FAM161A: variants seen among roughly 807,000 people sequenced by gnomAD.
The protein encoded by FAM161A is protein FAM161A.
Under a neutral mutation model 70.9 loss-of-function variants are expected in FAM161A, and 57 were observed. That is an observed-to-expected ratio of 0.80 (90% CI 0.65 to 1.00). FAM161A has a LOEUF of 1.00. FAM161A is among the 50% of genes least tolerant of loss of function. The pLI, the probability that FAM161A is intolerant of heterozygous loss-of-function variation, is 0.00. For missense variants in FAM161A, 880 were observed against 836.0 expected (o/e 1.05, Z -0.65); for synonymous variants, 299 against 295.7 (o/e 1.01, Z -0.12).
the FAM161A span, among the ~76,000 whole-genome samples, chr2:61,801,129 T>C: frequency 6.6e-6 from 1 of 152,038 alleles, no homozygotes; most frequent in African/African-American, 2.4e-5. Flanking sequence ...AGAAATTTCT[T>C]AGGAGGCCTT....
At chr2:61,842,473 A>C (rs965476457) in intron 1 of FAM161A, 113 bp from the exon 2 acceptor site, 5 of 650,120 alleles carry the variant, frequency 7.7e-6, no homozygotes, top group Non-Finnish European at 1.4e-5. Flanking sequence ...GTTATACATT[A>C]ATTATGGGCT....
the FAM161A span, among the ~76,000 whole-genome samples, chr2:61,812,375 T>A: frequency 6.6e-6 from 1 of 152,206 alleles, no homozygotes; most frequent in African/African-American, 2.4e-5. Context: ...ATGGATTATT[T>A]ATAAGTTAGT....
At chr2:61,819,036 C>A in the FAM161A span, among the ~76,000 whole-genome samples, 1 of 152,184 alleles carries the variant, frequency 6.6e-6, no homozygotes, top group Non-Finnish European at 1.5e-5. Context: ...TTCATGCCCA[C>A]AATGTTTAAC....
At chr2:61,829,720 CT>C in intron 5 of FAM161A, among the ~76,000 whole-genome samples, 1 of 152,202 alleles carries the variant, frequency 6.6e-6, no homozygotes. Flanking sequence ...GCCAGTAAGC[CT>C]TCATCTGACT....
chr2:61,839,948 T>C lies in FAM161A; in HGVS notation c.1056A>G (p.Thr352=). The change falls in exon 3 of 7, where the codon ACA becomes ACG. Residue 352 remains threonine, a synonymous_variant. Transcript: ENST00000404929. ...GAATGGGTCTGGCTTTAAATCGATT[T>C]GTTTTCTTTTTATACTTAAGAAAGT... The part of the protein sequence containing the change: ...LRDFLKYKKK[T]NRFKARPIPR... 1.9e-6 allele frequency: 3 copies of C among 1,614,242 alleles called. No individual in the cohort carries two copies. The African/African-American group carries it at 4.0e-5, about 22-fold the overall frequency.
Position 61,827,215 on chromosome 2 carries a change from A to C in FAM161A, c.1895T>G (p.Leu632Arg), listed in dbSNP as rs752951309. Residue 632 changes from leucine to arginine, a missense_variant, in exon 6 of 7, where the codon CTA becomes CGA. Coordinates refer to ENST00000404929, the MANE Select transcript of FAM161A (RefSeq NM_001201543.2). ...MAAEKHYSNT[L>R]KALGISDEFV... ...CTCATCAGATATTCCTAGTGCTTTT[A>C]GGGTATTAGAATAATGCTTTTCTGC... is the stretch of plus-strand genomic sequence containing the variant. 3 of 1,613,732 alleles carry C rather than the reference A, an allele frequency of 1.9e-6. No individual in the cohort carries two copies. The African/African-American group carries it at 4.0e-5, about 22-fold the overall frequency.
chr2:61,804,957 G>C, the FAM161A span, among the ~76,000 whole-genome samples: 2 of 152,080 alleles, frequency 1.3e-5, no homozygotes, highest in East Asian at 3.9e-4. Context: ...CTGGCACCTA[G>C]ACCTCAGGTT....
At chr2:61,814,035 C>A in the FAM161A span, among the ~76,000 whole-genome samples, 1 of 152,062 alleles carries the variant, frequency 6.6e-6, no homozygotes, top group Non-Finnish European at 1.5e-5. Context: ...TTAGAGATGC[C>A]AGAAAGATGC....
In FAM161A at chr2:61,839,281, CATATA is replaced by C. The variant is rs1474604002; in HGVS notation, c.1583+135_1583+139del. 18 of 648,512 alleles carry C rather than the reference CATATA, an allele frequency of 2.8e-5. No homozygotes were observed. The Admixed American group carries it at 5.1e-4, about 18-fold the overall frequency. The allele number at this position is 648,512 out of a possible 1,614,324, so 40.2% of individuals were successfully genotyped here. A position where few individuals can be genotyped will look rare whatever the true frequency, so the allele number is the denominator to read the frequency against. ...CTTAGAATACCCTCTGACAAAATAT[CATATA>C]TTATATAGTAAAATATCTTATAGAT... On this transcript the variant is annotated intron_variant, in intron 3 of 6. Transcript: ENST00000404929.
At chr2:61,846,465 G>A (rs1047782139) in intron 1 of FAM161A, among the ~76,000 whole-genome samples, 1 of 152,196 alleles carries the variant, frequency 6.6e-6, no homozygotes, top group African/African-American at 2.4e-5. Context: ...CACAGCTTAG[G>A]AGAAAGATTT....
chr2:61,840,616 T>C, intron 2 of FAM161A, 35 bp from the exon 3 acceptor site: 3 of 1,421,298 alleles, frequency 2.1e-6, no homozygotes, highest in Non-Finnish European at 3.0e-6. Context: ...ATACTTTCAG[T>C]TGTATGTGAC....
chr2:61,841,456 T>C (rs1241869434), intron 2 of FAM161A, among the ~76,000 whole-genome samples: 6 of 152,184 alleles, frequency 3.9e-5, no homozygotes, highest in Non-Finnish European at 7.3e-5. Context: ...TGTGACACTT[T>C]AGTGGAAAAT....
chr2:61,808,701 G>A, the FAM161A span, among the ~76,000 whole-genome samples: 8 of 152,274 alleles, frequency 5.3e-5, no homozygotes, highest in South Asian at 1.7e-3. Flanking sequence ...AATAAGTTTA[G>A]GAAGGCTTGG....
At chr2:61,832,670 C>T (rs1251146075) in intron 5 of FAM161A, among the ~76,000 whole-genome samples, 1 of 152,156 alleles carries the variant, frequency 6.6e-6, no homozygotes, top group African/African-American at 2.4e-5. Context: ...AGCCCTGCCT[C>T]CTACAGCGTT....
chr2:61,825,082 C>G lies in FAM161A; in HGVS notation c.*1373G>C. On this transcript the variant is annotated 3_prime_UTR_variant, in exon 7 of 7. Coordinates refer to ENST00000404929, the MANE Select transcript of FAM161A (RefSeq NM_001201543.2). ...TTTTTAAATTTAAAGCATAAATTGC[C>G]AGTTTGGAAACACTGCTATTACATA... 2.2e-6 allele frequency: 1 copy of G among 453,686 alleles called. No individual in the cohort carries two copies. Among genetic ancestry groups the G allele is most frequent in the Non-Finnish European group, 4.4e-6 (1 of 226,668 alleles). 28.1% of individuals were successfully genotyped at this position (453,686 alleles called of 1,614,324 possible).
At chr2:61,813,729 AAAAAAAG>A in the FAM161A span, among the ~76,000 whole-genome samples, 269 of 150,480 alleles carry the variant, frequency 1.8e-3, 3 homozygotes, top group African/African-American at 5.9e-3. Flanking sequence ...AAAAAAAAAA[AAAAAAAG>A]AAAAAAGAAA....
At chr2:61,817,774 C>T in the FAM161A span, among the ~76,000 whole-genome samples, 3 of 152,110 alleles carry the variant, frequency 2.0e-5, no homozygotes, top group Admixed American at 6.6e-5. Context: ...CAAGACCAGC[C>T]TGGGCAACAT....
chr2:61,804,760 A>AAGAG, the FAM161A span, among the ~76,000 whole-genome samples: 4 of 57,842 alleles, frequency 6.9e-5, no homozygotes, highest in South Asian at 6.1e-4. Flanking sequence ...GAAAGAAAGA[A>AAGAG]AAAGAAAGAG....
intron 5 of FAM161A, among the ~76,000 whole-genome samples, chr2:61,832,266 A>C (rs75434875): frequency 0.025 from 3,806 of 151,026 alleles, 107 homozygotes; most frequent in East Asian, 0.11. Flanking sequence ...AAAACCAACA[A>C]CAACAACAAC....
Sources: allele counts gnomAD v4.1 joint callset (sites outside exome capture counted in the v4.1 genomes callset), GRCh38; gene constraint gnomAD v4.1.1; transcripts MANE v1.5; gene names NCBI Gene and HGNC (gene_info 2026-07-23, HGNC 2026-07-21).